Variants in RELN observed in about 807,000 individuals in gnomAD.
RELN encodes the protein reelin.
Under a neutral mutation model 427.6 loss-of-function variants are expected in RELN, and 108 were observed. The observed-to-expected ratio is 0.25, with a 90% CI of 0.22 to 0.30. The LOEUF is 0.30. Ranked by LOEUF, RELN falls within the 10% of genes least tolerant of loss-of-function variation. The pLI, the probability that RELN is intolerant of heterozygous loss-of-function variation, is 1.00. For missense variants in RELN, 3,715 were observed against 4,302.8 expected (o/e 0.86, Z 3.82); for synonymous variants, 1,524 against 1,513.4 (o/e 1.01, Z -0.16).
intron 4 of RELN, among the ~76,000 whole-genome samples, chr7:103,765,099 G>A (rs867321038): frequency 5.7e-4 from 86 of 151,870 alleles, no homozygotes; most frequent in African/African-American, 2.0e-3. Context: ...AAGCTGGACT[G>A]TAAGAAGGAA....
intron 1 of RELN, among the ~76,000 whole-genome samples, chr7:103,962,314 C>T (rs923334425): frequency 6.6e-6 from 1 of 152,242 alleles, no homozygotes; most frequent in Non-Finnish European, 1.5e-5. Flanking sequence ...TCCTCTCAAC[C>T]CCATACACGC....
At chr7:103,552,369 T>C (rs1014342495) in intron 40 of RELN, among the ~76,000 whole-genome samples, 3 of 152,204 alleles carry the variant, frequency 2.0e-5, no homozygotes, top group South Asian at 2.1e-4. Flanking sequence ...GTTATAGTTA[T>C]ATACAATAAA....
At chr7:103,735,363 A>C (rs1469611200) in intron 6 of RELN, among the ~76,000 whole-genome samples, 1 of 151,984 alleles carries the variant, frequency 6.6e-6, no homozygotes, top group Admixed American at 6.6e-5. Context: ...TGGGTTTTTT[A>C]ATCCTGATTT....
intron 1 of RELN, among the ~76,000 whole-genome samples, chr7:103,984,582 T>C (rs976434151): frequency 1.3e-5 from 2 of 152,174 alleles, no homozygotes; most frequent in Admixed American, 1.3e-4. Flanking sequence ...AGATTTATGA[T>C]TTAAGAAACA....
chr7:103,756,848 G>T (rs1323665648), intron 4 of RELN, among the ~76,000 whole-genome samples: 1 of 152,134 alleles, frequency 6.6e-6, no homozygotes. Flanking sequence ...AAAACTTAAT[G>T]CAAGGAAAAG....
intron 36 of RELN, among the ~76,000 whole-genome samples, chr7:103,559,344 T>C (rs1160323030): frequency 6.6e-6 from 1 of 152,228 alleles, no homozygotes; most frequent in African/African-American, 2.4e-5. Context: ...GATATTGTAA[T>C]GAAAACGCAA....
Position 103,565,543 on chromosome 7 carries a change from G to A in RELN, c.4945C>T (p.Arg1649Cys), listed in dbSNP as rs368740749. The change falls in exon 34 of 65, where the codon CGT becomes TGT. Residue 1649 changes from arginine to cysteine, a missense_variant. This residue lies in a region of RELN where 2,208 missense variants were observed against 2,361.7 expected (regional missense o/e 0.93). Transcript: ENST00000428762. ...TGAAAATCCCAGGTCTCAGCATAACGAGGTTTTCCTGAAAAAAAAAAATGT... is the reference window on the plus strand; with the variant it reads ...TGAAAATCCCAGGTCTCAGCATAACAAGGTTTTCCTGAAAAAAAAAAATGT... ...LIFTENIGKPRYAETWDFHVS... is the reference protein window; with the variant it reads ...LIFTENIGKPCYAETWDFHVS... 2.6e-5 allele frequency: 41 copies of A among 1,604,142 alleles called. 1 individual carries two copies. Among genetic ancestry groups the A allele is most frequent in the South Asian group, 2.2e-4 (20 of 90,592 alleles).
chr7:103,983,660 T>C (rs1220015628), intron 1 of RELN, among the ~76,000 whole-genome samples: 1 of 152,200 alleles, frequency 6.6e-6, no homozygotes, highest in Non-Finnish European at 1.5e-5. Flanking sequence ...ATCACCCCAA[T>C]GTTTTTGAAA....
chr7:103,589,551 GT>G, intron 28 of RELN, 44 bp downstream of exon 28: 7 of 1,266,488 alleles, frequency 5.5e-6, no homozygotes, highest in Non-Finnish European at 8.1e-6. Flanking sequence ...ATTTGGGACT[GT>G]GTCTTTCTTA....
intron 2 of RELN, among the ~76,000 whole-genome samples, chr7:103,872,755 T>C (rs541371542): frequency 6.7e-6 from 1 of 149,412 alleles, no homozygotes; most frequent in African/African-American, 2.4e-5. Flanking sequence ...TGATTGCCAT[T>C]CTCACTGGTG....
chr7:103,747,953 G>A (rs1790888671), intron 6 of RELN, among the ~76,000 whole-genome samples: 1 of 151,896 alleles, frequency 6.6e-6, no homozygotes, highest in Non-Finnish European at 1.5e-5. Flanking sequence ...AACAGAATTT[G>A]CACCACCGAA....
At chr7:103,903,305 G>C (rs1295840346) in intron 2 of RELN, among the ~76,000 whole-genome samples, 1 of 149,610 alleles carries the variant, frequency 6.7e-6, no homozygotes, top group Non-Finnish European at 1.5e-5. Flanking sequence ...TCGTATTTAA[G>C]AAAGAGAGAG....
chr7:103,710,017 G>T (rs1337146535), intron 8 of RELN, among the ~76,000 whole-genome samples: 1 of 152,172 alleles, frequency 6.6e-6, no homozygotes, highest in Non-Finnish European at 1.5e-5. Context: ...TAAGACAAAT[G>T]TCAGAATGTG....
At chr7:103,527,680 T>G (rs2117102835) in intron 46 of RELN, among the ~76,000 whole-genome samples, 1 of 152,234 alleles carries the variant, frequency 6.6e-6, no homozygotes, top group East Asian at 1.9e-4. Context: ...GTGTGTCTAT[T>G]TGCCTTGCAA....
At chr7:103,634,449 T>C (rs1164125051) in intron 19 of RELN, among the ~76,000 whole-genome samples, 1 of 152,172 alleles carries the variant, frequency 6.6e-6, no homozygotes, top group African/African-American at 2.4e-5. Flanking sequence ...GGAAAGGATC[T>C]TTTAGACACA....
intron 3 of RELN, among the ~76,000 whole-genome samples, chr7:103,816,530 A>AACACACACACACACACACACACACAC (rs57873981): frequency 1.9e-4 from 27 of 143,738 alleles, no homozygotes; most frequent in Admixed American, 9.9e-4. Context: ...TTTCTCTAGA[A>AACACACACACACACACACACACACAC]ACACACACAC....
At chr7:103,758,421 A>G (rs1791216862) in intron 4 of RELN, among the ~76,000 whole-genome samples, 2 of 152,090 alleles carry the variant, frequency 1.3e-5, no homozygotes, top group African/African-American at 4.8e-5. Context: ...AACAGAATGG[A>G]GGAATTAAGG....
At chr7:103,669,912 C>A (rs1833353845) in intron 11 of RELN, among the ~76,000 whole-genome samples, 1 of 151,922 alleles carries the variant, frequency 6.6e-6, no homozygotes, top group South Asian at 2.1e-4. Flanking sequence ...TTATTTATTA[C>A]AAATAGAGTG....
At chr7:103,499,614 A>G (rs979331268) in intron 53 of RELN, among the ~76,000 whole-genome samples, 2 of 152,222 alleles carry the variant, frequency 1.3e-5, no homozygotes, top group African/African-American at 4.8e-5. Flanking sequence ...AAGATAATCA[A>G]TTCTATAGTT....
Sources: allele counts gnomAD v4.1 joint callset (sites outside exome capture counted in the v4.1 genomes callset), GRCh38; gene constraint gnomAD v4.1.1; regional missense constraint gnomAD v4.1.1; transcripts MANE v1.5; gene names NCBI Gene and HGNC (gene_info 2026-07-23, HGNC 2026-07-21).